The following CYTH3 variants were observed in gnomAD, a reference collection of about 807,000 sequenced individuals.
The protein encoded by CYTH3 is cytohesin 3, also known as cytohesin-3.
A neutral mutation model predicts 55.1 loss-of-function variants in CYTH3; 23 were observed. That is an observed-to-expected ratio of 0.42 (90% CI 0.30 to 0.59). The LOEUF (loss-of-function observed/expected upper bound fraction) is 0.59. Ranked by LOEUF, CYTH3 falls within the 20% of genes least tolerant of loss-of-function variation. The pLI is 0.20. For synonymous variants in CYTH3, 249 were observed against 194.9 expected, an observed-to-expected ratio of 1.28 and a Z score of -2.31; for missense variants, 413 against 524.8, an observed-to-expected ratio of 0.79 and a Z score of 2.08.
At chr7:6,229,614 A>C (rs1310899222) in intron 1 of CYTH3, among the ~76,000 whole-genome samples, 2 of 150,684 alleles carry the variant, frequency 1.3e-5, no homozygotes, top group Admixed American at 1.3e-4. Flanking sequence ...GCTCAAGACC[A>C]GCCTGGCCAA....
At chr7:6,263,149 A>G (rs1780397084) in intron 1 of CYTH3, among the ~76,000 whole-genome samples, 1 of 152,222 alleles carries the variant, frequency 6.6e-6, no homozygotes, top group African/African-American at 2.4e-5. Flanking sequence ...CTCACTTACG[A>G]GAAACCTTCA....
intron 1 of CYTH3, among the ~76,000 whole-genome samples, chr7:6,267,315 C>G (rs766361772): frequency 1.3e-4 from 20 of 152,176 alleles, no homozygotes; most frequent in Non-Finnish European, 2.5e-4. Flanking sequence ...GCACTAATAG[C>G]TCTTGTGCCA....
chr7:6,254,763 GC>G (rs1467492879), intron 1 of CYTH3, among the ~76,000 whole-genome samples: 2 of 152,128 alleles, frequency 1.3e-5, no homozygotes, highest in Non-Finnish European at 2.9e-5. Flanking sequence ...TTTGTATCTT[GC>G]TTTCAAATGG....
chr7:6,180,306 A>C (rs534811330), intron 4 of CYTH3, among the ~76,000 whole-genome samples: 5 of 152,348 alleles, frequency 3.3e-5, no homozygotes, highest in Non-Finnish European at 7.3e-5. Flanking sequence ...CAGAACACAC[A>C]AAACACTGAC....
At chr7:6,176,911 GTTT>G (rs1783366214) in intron 5 of CYTH3, among the ~76,000 whole-genome samples, 1 of 152,186 alleles carries the variant, frequency 6.6e-6, no homozygotes, top group African/African-American at 2.4e-5. Context: ...CTTTTTAAGT[GTTT>G]TTATCGTGAA....
intron 1 of CYTH3, among the ~76,000 whole-genome samples, chr7:6,249,074 T>C (rs1461152611): frequency 1.3e-5 from 2 of 152,242 alleles, no homozygotes; most frequent in Non-Finnish European, 2.9e-5. Context: ...CTGGAGGTCC[T>C]TGCTGTTTGT....
chr7:6,172,880 C>T, intron 6 of CYTH3: 1 of 1,252,772 alleles, frequency 8.0e-7, no homozygotes, highest in Non-Finnish European at 1.0e-6. Context: ...GAGGGTCCCA[C>T]AAAAACGCTG....
chr7:6,208,548 CTTTT>C (rs11302819), intron 1 of CYTH3, among the ~76,000 whole-genome samples: 1 of 151,866 alleles, frequency 6.6e-6, no homozygotes, highest in Non-Finnish European at 1.5e-5. Context: ...ATTTTCTTTT[CTTTT>C]TTTTGAGAGG....
chr7:6,202,457 G>GTTTT (rs34849107), intron 1 of CYTH3, among the ~76,000 whole-genome samples: 4 of 126,510 alleles, frequency 3.2e-5, no homozygotes, highest in Admixed American at 8.0e-5. Context: ...GCCATTGCTA[G>GTTTT]TTTTTTTTTT....
intron 1 of CYTH3, among the ~76,000 whole-genome samples, chr7:6,215,661 ACTT>A (rs895587711): frequency 2.0e-5 from 3 of 152,084 alleles, no homozygotes; most frequent in Non-Finnish European, 4.4e-5. Context: ...ATAGGTGAAA[ACTT>A]CTTCTCAAAC....
At chr7:6,212,658 T>A (rs1784346959) in intron 1 of CYTH3, 1 of 152,160 alleles carries the variant, frequency 6.6e-6, no homozygotes, top group Non-Finnish European at 1.5e-5. Flanking sequence ...TCAAATGCAG[T>A]AGTGAGAAGG....
intron 1 of CYTH3, among the ~76,000 whole-genome samples, chr7:6,219,539 T>C (rs1162408935): frequency 6.6e-6 from 1 of 152,060 alleles, no homozygotes; most frequent in Non-Finnish European, 1.5e-5. Context: ...GGTGAGAGTA[T>C]CCATTCACAC....
chr7:6,268,409 AT>A (rs1276387471), intron 1 of CYTH3, among the ~76,000 whole-genome samples: 3 of 152,060 alleles, frequency 2.0e-5, no homozygotes, highest in African/African-American at 7.2e-5. Flanking sequence ...ACCTCAAATG[AT>A]CCACCCGCCT....
At chr7:6,225,267 T>C (rs1047927744) in intron 1 of CYTH3, among the ~76,000 whole-genome samples, 3 of 152,180 alleles carry the variant, frequency 2.0e-5, no homozygotes, top group South Asian at 2.1e-4. Context: ...ATCCAATGAA[T>C]TGTGCATAGA....
chr7:6,190,393 T>C, intron 2 of CYTH3, 56 bp downstream of exon 2: 1 of 1,320,854 alleles, frequency 7.6e-7, no homozygotes. Context: ...TTTACTATTT[T>C]ACTCAAAAGC....
intron 1 of CYTH3, among the ~76,000 whole-genome samples, chr7:6,242,626 C>T (rs1489284568): frequency 2.6e-5 from 4 of 152,064 alleles, no homozygotes; most frequent in East Asian, 1.9e-4. Context: ...CCGCCCGCCT[C>T]GGCCTCCAAA....
chr7:6,206,424 G>C (rs1016320053), intron 1 of CYTH3, among the ~76,000 whole-genome samples: 1 of 152,214 alleles, frequency 6.6e-6, no homozygotes, highest in South Asian at 2.1e-4. Flanking sequence ...AATTTGTGTT[G>C]ATAGGAATCA....
In CYTH3 at chr7:6,172,876, C is replaced by A. The variant is rs538997139; in HGVS notation, c.449+777G>T. ...GCTGTGAGCACAACATCACGAGGGT[C>A]CCACAAAAACGCTGCCAACATTGCA... On this transcript the variant is annotated intron_variant, in intron 6 of 12. Transcript: ENST00000350796. 8.4e-5 allele frequency: 106 copies of A among 1,254,518 alleles called. 3 individuals are homozygous for A. The South Asian group carries it at 1.4e-3, about 16-fold the overall frequency. 77.7% of individuals were successfully genotyped at this position (1,254,518 alleles called of 1,614,324 possible). A position where few individuals can be genotyped will look rare whatever the true frequency, so the allele number is the denominator to read the frequency against.
intron 1 of CYTH3, among the ~76,000 whole-genome samples, chr7:6,251,905 G>C (rs34312608): frequency 0.05 from 7,614 of 152,166 alleles, 274 homozygotes; most frequent in Non-Finnish European, 0.076. Context: ...TGAGAAATCT[G>C]ACCCCCTTAA....
Sources: allele counts gnomAD v4.1 joint callset (sites outside exome capture counted in the v4.1 genomes callset), GRCh38; gene constraint gnomAD v4.1.1; transcripts MANE v1.5; gene names NCBI Gene and HGNC (gene_info 2026-07-23, HGNC 2026-07-21).